The following KIAA0319 variants were observed in gnomAD, a reference collection of about 807,000 sequenced individuals.
The protein encoded by KIAA0319 is KIAA0319.
A neutral mutation model predicts 108.4 loss-of-function variants in KIAA0319; 83 were observed. The ratio of observed to expected loss-of-function variants is 0.77; its 90% CI spans 0.64 to 0.92. The LOEUF (loss-of-function observed/expected upper bound fraction) is 0.92, where lower values mean the gene tolerates loss of function less well. Ranked by LOEUF, KIAA0319 falls within the 40% of genes least tolerant of loss-of-function variation. The pLI, the probability that KIAA0319 is intolerant of heterozygous loss-of-function variation, is 0.00. For missense variants in KIAA0319, 1,195 were observed against 1,322.4 expected (o/e 0.90, Z 1.49); for synonymous variants, 484 against 510.4 (o/e 0.95, Z 0.70).
chr6:24,578,184 G>T lies in KIAA0319; in HGVS notation c.1431C>A (p.Phe477Leu). The stretch of plus-strand genomic sequence containing the variant: ...AGTCAACTGAAGTCTTCTCTTCTAT[G>T]AAGGGCCCGTTTATTTCTTCCCAAT... ...SYHWEEINGP[F>L]IEEKTSVDSP... The change falls in exon 9 of 21, where the codon TTC (phenylalanine) becomes TTA (leucine). Residue 477 changes from phenylalanine to leucine, a missense_variant. Phe to Leu is a conservative substitution (Grantham distance 22). Coordinates refer to ENST00000378214, the MANE Select transcript of KIAA0319 (RefSeq NM_014809.4). 1.2e-6 allele frequency: 2 copies of T among 1,610,788 alleles called. No individual in the cohort carries two copies. Among genetic ancestry groups the T allele is most frequent in the East Asian group, 4.5e-5 (2 of 44,826 alleles).
Position 24,564,314 on chromosome 6 carries a change from A to G in KIAA0319, c.2319T>C (p.Ser773=). The G allele has an allele frequency of 6.2e-7, 1 of 1,614,192 alleles. No homozygotes were observed. Residue 773 remains serine (S), a synonymous_variant, in exon 15 of 21, where the codon AGT becomes AGC. Coordinates refer to ENST00000378214, the MANE Select transcript of KIAA0319 (RefSeq NM_014809.4). ...CCAGATTCGTAAGCTGCAGAGCCAC[A>G]CTGTGGTCAGAGCCATCGATGACAT... The part of the protein sequence containing the change: ...AGDVIDGSDH[S]VALQLTNLVE...
At position 24,599,551 on chromosome 6, in the gene KIAA0319, G is replaced by T; in HGVS notation, c.55+1498C>A. On this transcript the variant is annotated intron_variant, in intron 2 of 20. Transcript: ENST00000378214. This position sits in a 1 kb window ranked among gnomAD's most constrained non-coding sequence, Gnocchi z 4.1. ...AGGAAGGTGCTGGAGGGCGAGGAGA[G>T]CTGGCTGGAGTCTGGGATGCAGAAC... is the stretch of plus-strand genomic sequence containing the variant. 1 of 581,098 alleles carries T rather than the reference G, an allele frequency of 1.7e-6. No homozygotes were observed. Among genetic ancestry groups the T allele is most frequent in the South Asian group, 1.5e-5 (1 of 67,396 alleles). The allele number at this position is 581,098 out of a possible 1,614,324, so 36.0% of individuals were successfully genotyped here.
At chr6:24,585,395 G>A (rs1767316204) in intron 4 of KIAA0319, among the ~76,000 whole-genome samples, 1 of 151,568 alleles carries the variant, frequency 6.6e-6, no homozygotes, top group Admixed American at 6.6e-5. Context: ...CTCCTTGTGG[G>A]CCTCAAGATC....
chr6:24,551,717 T>A (rs1761538169), intron 19 of KIAA0319, among the ~76,000 whole-genome samples, 192 bp from the exon 20 acceptor site: 1 of 152,152 alleles, frequency 6.6e-6, no homozygotes, highest in South Asian at 2.1e-4. Flanking sequence ...GAGAAACACA[T>A]TTCTGGGTAT....
At chr6:24,634,726 C>T (rs1775984222) in intron 1 of KIAA0319, among the ~76,000 whole-genome samples, 3 of 152,138 alleles carry the variant, frequency 2.0e-5, no homozygotes, top group Admixed American at 2.0e-4. Flanking sequence ...GAGCTGTAAA[C>T]CAAAAGGTAT....
chr6:24,583,185 TCCTGAGAA>T (rs1766888668), intron 5 of KIAA0319: 3 of 987,776 alleles, frequency 3.0e-6, no homozygotes, highest in Admixed American at 6.1e-5. Context: ...GTGTGAGGCA[TCCTGAGAA>T]CCTGAGAGCC....
In KIAA0319 at chr6:24,547,423, G is replaced by C. The variant is rs577878212; in HGVS notation, c.3041-80C>G. ...GTCAGTCGTTGTGGTTGCAGGTCCT[G>C]TGATGGGCACGGAGTGGTGCTCTCC... On this transcript the variant is annotated intron_variant, in intron 20 of 20. Coordinates refer to ENST00000378214, the MANE Select transcript of KIAA0319 (RefSeq NM_014809.4). 2.4e-5 allele frequency: 29 copies of C among 1,221,022 alleles called. No individual in the cohort carries two copies. The East Asian group carries it at 3.7e-4, about 16-fold the overall frequency. The allele number at this position is 1,221,022 out of a possible 1,614,324, so 75.6% of individuals were successfully genotyped here. A position where few individuals can be genotyped will look rare whatever the true frequency, so the allele number is the denominator to read the frequency against.
chr6:24,619,972 G>A (rs1331618812), intron 1 of KIAA0319, among the ~76,000 whole-genome samples: 3 of 152,164 alleles, frequency 2.0e-5, no homozygotes, highest in East Asian at 3.8e-4. Flanking sequence ...GATCCCATTC[G>A]CTGTTCATTC....
In KIAA0319 at chr6:24,622,137, G is replaced by A. The variant is rs137905218; in HGVS notation, c.-105-20929C>T. ...GTGGCTGCCTGGGGAGTGCTCACCC[G>A]TACACCCCAGAGGGAAACCTGACCA... On this transcript the variant is annotated intron_variant, in intron 1 of 20. Transcript: ENST00000378214. 4.0e-3 allele frequency among the ~76,000 whole-genome samples: 612 copies of A among 152,004 alleles called. 9 individuals carry two copies. Among genetic ancestry groups the A allele is most frequent in the Middle Eastern group, 0.02 (6 of 294 alleles).
At chr6:24,642,936 G>A (rs1479422449) in intron 1 of KIAA0319, among the ~76,000 whole-genome samples, 2 of 152,200 alleles carry the variant, frequency 1.3e-5, no homozygotes. Context: ...TCGAACTCCT[G>A]ACCTCAGGTG....
chr6:24,567,286 G>C (rs1359294693), intron 13 of KIAA0319, among the ~76,000 whole-genome samples: 2 of 152,166 alleles, frequency 1.3e-5, no homozygotes, highest in Non-Finnish European at 2.9e-5. Context: ...AGAATCACTT[G>C]AGACCAGGAG....
At chr6:24,548,293 G>A (rs1760928074) in intron 20 of KIAA0319, among the ~76,000 whole-genome samples, 1 of 152,016 alleles carries the variant, frequency 6.6e-6, no homozygotes, top group East Asian at 1.9e-4. Context: ...GAATTTATTG[G>A]TCAAAAAGGA....
At chr6:24,628,678 G>A (rs970957256) in intron 1 of KIAA0319, among the ~76,000 whole-genome samples, 4 of 152,146 alleles carry the variant, frequency 2.6e-5, no homozygotes, top group Admixed American at 1.3e-4. Context: ...GGAAATCAAC[G>A]CATCAGCTGG....
intron 14 of KIAA0319, 144 bp from the exon 15 acceptor site, chr6:24,564,484 G>T: frequency 3.0e-6 from 3 of 998,846 alleles, no homozygotes; most frequent in Non-Finnish European, 4.4e-6. Flanking sequence ...AGGCTGGCGG[G>T]ATAGCTAAAG....
At chr6:24,548,513 G>A (rs140259322) in intron 20 of KIAA0319, among the ~76,000 whole-genome samples, 2,578 of 152,218 alleles carry the variant, frequency 0.017, 33 homozygotes, top group Non-Finnish European at 0.026. Flanking sequence ...GGCCTTCACT[G>A]GGGACCAGCA....
At chr6:24,574,845 C>T (rs552651193) in intron 10 of KIAA0319, among the ~76,000 whole-genome samples, 181 of 152,302 alleles carry the variant, frequency 1.2e-3, no homozygotes, top group African/African-American at 4.1e-3. Flanking sequence ...AGGCAAAGCA[C>T]GTTTCTCTGA....
At chr6:24,549,970 G>C (rs1027755030) in intron 20 of KIAA0319, among the ~76,000 whole-genome samples, 7 of 152,182 alleles carry the variant, frequency 4.6e-5, no homozygotes, top group African/African-American at 1.7e-4. Flanking sequence ...AGAAGGATGA[G>C]TGTATTTTAA....
Position 24,601,110 on chromosome 6 carries a change from C to G in KIAA0319, c.-7G>C, listed in dbSNP as rs768376118. The G allele has an allele frequency of 6.2e-7, 1 of 1,614,058 alleles. No homozygotes were observed. Among genetic ancestry groups the G allele is most frequent in the Non-Finnish European group, 8.5e-7 (1 of 1,179,978 alleles). On this transcript the variant is annotated 5_prime_UTR_variant, in exon 2 of 21. Transcript: ENST00000378214. ...CACCTGTGGGGGGCGCCATTGTGCA[C>G]CACACAGTGGGTGATGGCAGGCTTC...
At chr6:24,589,562 T>C (rs1768132480) in intron 3 of KIAA0319, among the ~76,000 whole-genome samples, 2 of 152,138 alleles carry the variant, frequency 1.3e-5, no homozygotes, top group Admixed American at 6.5e-5. Context: ...TCTCACGAGA[T>C]CTGGTGGTTT....
Sources: gnomAD v4.1 joint callset for allele counts (sites outside exome capture counted in the v4.1 genomes callset) on GRCh38, gnomAD v4.1.1 for gene constraint, Gnocchi (gnomAD v3.1) non-coding constraint, MANE v1.5 for transcripts, NCBI Gene and HGNC (gene_info 2026-07-23, HGNC 2026-07-21) for gene names.